ROS1: variants seen among roughly 807,000 people sequenced by gnomAD.
The protein encoded by ROS1 is ROS proto-oncogene 1, receptor tyrosine kinase.
Under a neutral mutation model 273.5 loss-of-function variants are expected in ROS1, and 263 were observed. That is an observed-to-expected ratio of 0.96 (90% CI 0.87 to 1.06). The LOEUF is 1.06. ROS1 is among the 50% of genes least tolerant of loss of function. The probability of loss-of-function intolerance (pLI) is 0.00; values close to 1 mark genes in which losing one functional copy is unlikely to be tolerated. For synonymous variants in ROS1, 1,008 were observed against 954.1 expected (o/e 1.06, Z -1.04); for missense variants, 2,833 against 2,751.1 (o/e 1.03, Z -0.67).
chr6:117,341,669 A>T (rs771045222), intron 29 of ROS1, 37 bp from the exon 30 acceptor site: 1 of 1,472,304 alleles, frequency 6.8e-7, no homozygotes, highest in South Asian at 1.1e-5. Flanking sequence ...AGGATGCTGC[A>T]ATAGCACTGA....
chr6:117,383,463 G>A lies in ROS1; in HGVS notation c.2335C>T (p.His779Tyr), dbSNP rs1582804554. 1 of 1,614,046 alleles carries A rather than the reference G, an allele frequency of 6.2e-7. No individual in the cohort carries two copies. Among genetic ancestry groups the A allele is most frequent in the Non-Finnish European group, 8.5e-7 (1 of 1,179,918 alleles). Residue 779 changes from histidine to tyrosine, a missense_variant, in exon 17 of 44, where the codon CAC becomes TAC. Transcript: ENST00000368507. ...VLTGHTDIVT[H>Y]VKLLVNDMVV... is the part of the protein sequence containing the mutation. ...ATGTCATTCACCAATAGCTTCACGT[G>A]GGTAACAATGTCTGTGTGTCCCGTC...
chr6:117,387,197 T>G (rs1266514429), intron 14 of ROS1, among the ~76,000 whole-genome samples, 198 bp from the exon 15 acceptor site: 1 of 152,212 alleles, frequency 6.6e-6, no homozygotes, highest in Non-Finnish European at 1.5e-5. Flanking sequence ...AAACATACTT[T>G]CTGATTTTCA....
At chr6:117,353,751 ATT>A (rs1650925021) in intron 26 of ROS1, among the ~76,000 whole-genome samples, 1 of 152,244 alleles carries the variant, frequency 6.6e-6, no homozygotes, top group South Asian at 2.1e-4. Context: ...TTTCATATCA[ATT>A]CTGTAAATGA....
chr6:117,320,356 G>C (rs1776207706), intron 36 of ROS1, among the ~76,000 whole-genome samples: 1 of 152,060 alleles, frequency 6.6e-6, no homozygotes, highest in African/African-American at 2.4e-5. Context: ...TCTTCAGATT[G>C]CCAATTTGTA....
At position 117,341,498 on chromosome 6, in the gene ROS1, G is replaced by C; in HGVS notation, c.4786C>G (p.Leu1596Val). 1 of 1,613,850 alleles carries C rather than the reference G, an allele frequency of 6.2e-7. No individual in the cohort carries two copies. The highest frequency in any genetic ancestry group is 2.2e-5 in the East Asian group (1 of 44,876). The stretch of plus-strand genomic sequence containing the variant: ...TGTCTTAGAGGAGTTTCAGGAATTA[G>C]GGCCAGGTGTGAGATTGCCAACTGA... ...RYQLAISHLA[L>V]IPETPLRQSE... The change falls in exon 30 of 44, where the codon CTA (leucine) becomes GTA (valine). Residue 1596 changes from leucine to valine, a missense_variant. Physicochemically the swap from Leu to Val is conservative, Grantham distance 32. Transcript: ENST00000368507.
At chr6:117,371,173 C>G (rs965339297) in intron 18 of ROS1, among the ~76,000 whole-genome samples, 1 of 152,122 alleles carries the variant, frequency 6.6e-6, no homozygotes, top group African/African-American at 2.4e-5. Flanking sequence ...CAGGAACATA[C>G]CAGGAAAGCC....
chr6:117,288,353 A>ATTT lies in ROS1; in HGVS notation c.*138_*139insAAA. ...CTGAAACCAAATGGCTCTCAGAACC[A>ATTT]AGATTAGAAATCAGGAACGTTGCAT... On this transcript the variant is annotated 3_prime_UTR_variant, in exon 44 of 44. Coordinates refer to ENST00000368507, the MANE Select transcript of ROS1 (RefSeq NM_001378902.1). 1 of 822,522 alleles carries ATTT rather than the reference A, an allele frequency of 1.2e-6. No homozygotes were observed. The allele number at this position is 822,522 out of a possible 1,614,324, so 51.0% of individuals were successfully genotyped here.
At chr6:117,409,747 C>G (rs1373784216) in intron 4 of ROS1, 105 bp from the exon 5 acceptor site, 1 of 819,984 alleles carries the variant, frequency 1.2e-6, no homozygotes, top group Non-Finnish European at 2.1e-6. Context: ...GCAAGTATAT[C>G]TTTGACCAAT....
intron 36 of ROS1, 185 bp downstream of exon 36, chr6:117,321,074 A>G (rs2128562494): frequency 1.8e-6 from 1 of 558,994 alleles, no homozygotes; most frequent in Non-Finnish European, 2.9e-6. Flanking sequence ...TTTTTCTTAA[A>G]ACCACATAAT....
chr6:117,416,300 G>C lies in ROS1; in HGVS notation c.186C>G (p.His62Gln), dbSNP rs757191782. ...TTTTCTGATCTACAGAGTTCCAAAA[G>C]TGACATCCTTGGATACACTGCAAGA... is the stretch of plus-strand genomic sequence containing the variant. ...NLSEPCIQGC[H>Q]FWNSVDQKNC... The change falls in exon 3 of 44, where the codon CAC becomes CAG. Residue 62 changes from histidine (H) to glutamine (Q), a missense_variant. By Grantham distance (24) the His-to-Gln change is conservative. Transcript: ENST00000368507. 2.5e-6 allele frequency: 4 copies of C among 1,602,792 alleles called. No homozygotes were observed.
At chr6:117,412,197 A>AT (rs1774968252) in intron 4 of ROS1, among the ~76,000 whole-genome samples, 1 of 151,992 alleles carries the variant, frequency 6.6e-6, no homozygotes, top group African/African-American at 2.4e-5. Flanking sequence ...GTATTTTGTA[A>AT]TTTTTTCCAA....
chr6:117,328,363 AACCTGATGTGTG>A (rs1206092898), intron 33 of ROS1: 5 of 263,666 alleles, frequency 1.9e-5, no homozygotes, highest in Non-Finnish European at 3.7e-5. Flanking sequence ...TCCTAGCAAA[AACCTGATGTGTG>A]ACCTGATTGA....
chr6:117,318,305 C>A, intron 37 of ROS1, 53 bp from the exon 38 acceptor site: 2 of 1,301,832 alleles, frequency 1.5e-6, no homozygotes, highest in Non-Finnish European at 2.2e-6. Context: ...TTTCTGTGAG[C>A]TCAGTGGGTT....
At chr6:117,370,218 G>A (rs1780658043) in intron 18 of ROS1, among the ~76,000 whole-genome samples, 2 of 152,064 alleles carry the variant, frequency 1.3e-5, no homozygotes, top group South Asian at 4.1e-4. Context: ...TGAACTTTAG[G>A]AGACTTTTTT....
Position 117,389,346 on chromosome 6 carries a change from T to A in ROS1, c.1786+4A>T, listed in dbSNP as rs553883073. The A allele has an allele frequency of 3.1e-6, 5 of 1,609,766 alleles. No individual in the cohort carries two copies. The African/African-American group carries it at 6.7e-5, about 22-fold the overall frequency. Reference sequence around the variant, plus strand: ...AGTAACCACACTGGGGACAGAGCACTCACTGGCTCCTATGGCAAGGGCAGG... The same window carrying A: ...AGTAACCACACTGGGGACAGAGCACACACTGGCTCCTATGGCAAGGGCAGG... On this transcript the variant is annotated splice_donor_region_variant and intron_variant, in intron 13 of 43. Transcript: ENST00000368507.
intron 18 of ROS1, among the ~76,000 whole-genome samples, chr6:117,367,491 T>A (rs1254175820): frequency 3.3e-5 from 5 of 152,176 alleles, no homozygotes; most frequent in Non-Finnish European, 7.4e-5. Flanking sequence ...CAACCCTCAC[T>A]CAGATTCCTT....
Position 117,425,612 on chromosome 6 carries a change from T to A in ROS1, c.45A>T (p.Ala15=). Residue 15 remains alanine (A), a synonymous_variant, in exon 1 of 44, where the codon GCA becomes GCT. Transcript: ENST00000368507. ...CAGAAATCCATAGGCAGCCAAGAGT[T>A]GCAAAATTGACAAGCTTCGGAATAA... ...YCLIPKLVNF[A]TLGCLWISVV... is the part of the protein sequence containing the mutation. The A allele has an allele frequency of 1.2e-6, 2 of 1,612,516 alleles. No individual in the cohort carries two copies. The highest frequency in any genetic ancestry group is 2.7e-5 in the African/African-American group (2 of 74,970).
chr6:117,382,837 C>G (rs1270340612), intron 17 of ROS1, among the ~76,000 whole-genome samples: 1 of 151,960 alleles, frequency 6.6e-6, no homozygotes, highest in African/African-American at 2.4e-5. Flanking sequence ...TAATAGTTAA[C>G]AGTCCCATTT....
At chr6:117,383,259 TATC>T in intron 17 of ROS1, 55 bp downstream of exon 17, 3 of 1,277,572 alleles carry the variant, frequency 2.3e-6, no homozygotes, top group Non-Finnish European at 3.3e-6. Flanking sequence ...GAGAAAGTAT[TATC>T]ATAAATATAG....
Sources: gnomAD v4.1 joint callset for allele counts (sites outside exome capture counted in the v4.1 genomes callset) on GRCh38, gnomAD v4.1.1 for gene constraint, MANE v1.5 for transcripts, NCBI Gene and HGNC (gene_info 2026-07-23, HGNC 2026-07-21) for gene names.